Variants in RCAN1 observed in about 807,000 individuals in gnomAD.
RCAN1 encodes the protein calcipressin-1.
RCAN1 carries 11 observed loss-of-function variants against 22.9 expected under a neutral mutation model. The observed-to-expected ratio is 0.48, with a 90% CI of 0.30 to 0.79. RCAN1 has a LOEUF of 0.79. Ranked by LOEUF, RCAN1 falls within the 30% of genes least tolerant of loss-of-function variation. The pLI, the probability that RCAN1 is intolerant of heterozygous loss-of-function variation, is 0.06. For missense variants in RCAN1, 291 were observed against 337.8 expected, an observed-to-expected ratio of 0.86 and a Z score of 1.09; for synonymous variants, 136 against 142.3, an observed-to-expected ratio of 0.96 and a Z score of 0.32.
rs528999302 is a variant in RCAN1 at position 34,550,943 on chromosome 21, C to A, written c.253-27233G>T. ...ATCATATAGCCGATAGAATCTGTAT[C>A]CTGCTATCAACTAATACCAAGCTGT... On this transcript the variant is annotated intron_variant, in intron 1 of 3. Coordinates refer to ENST00000313806, the MANE Select transcript of RCAN1 (RefSeq NM_004414.7). Among the ~76,000 whole-genome samples the A allele has an allele frequency of 1.4e-3, 211 of 152,298 alleles. 1 individual carries two copies. Among genetic ancestry groups the A allele is most frequent in the African/African-American group, 5.0e-3 (208 of 41,570 alleles).
chr21:34,583,811 C>T (rs1255250708), intron 1 of RCAN1, among the ~76,000 whole-genome samples: 4 of 152,168 alleles, frequency 2.6e-5, no homozygotes, highest in Non-Finnish European at 4.4e-5. Context: ...AAGTTAACCA[C>T]AAGTTAGAGA....
chr21:34,542,226 C>T (rs1239337062), intron 1 of RCAN1, among the ~76,000 whole-genome samples: 1 of 152,206 alleles, frequency 6.6e-6, no homozygotes, highest in Non-Finnish European at 1.5e-5. Flanking sequence ...ACAGCCTTGC[C>T]ATTCCTGTTG....
chr21:34,566,748 G>A (rs1987022880), intron 1 of RCAN1, among the ~76,000 whole-genome samples: 1 of 152,174 alleles, frequency 6.6e-6, no homozygotes, highest in African/African-American at 2.4e-5. Flanking sequence ...CACCAGCTCT[G>A]CTCGGCTTCT....
chr21:34,556,084 A>G (rs1490169512), intron 1 of RCAN1, among the ~76,000 whole-genome samples: 1 of 102,430 alleles, frequency 9.8e-6, no homozygotes, highest in Non-Finnish European at 1.9e-5. Context: ...AAATAAATAA[A>G]TAAATAAATA....
At chr21:34,572,321 C>G (rs1987262360) in intron 1 of RCAN1, among the ~76,000 whole-genome samples, 1 of 152,136 alleles carries the variant, frequency 6.6e-6, no homozygotes. Flanking sequence ...CAGAAGATCA[C>G]AGAATACTGG....
At chr21:34,574,132 T>C (rs1359964848) in intron 1 of RCAN1, among the ~76,000 whole-genome samples, 1 of 152,156 alleles carries the variant, frequency 6.6e-6, no homozygotes, top group Non-Finnish European at 1.5e-5. Flanking sequence ...CCACAAAGCA[T>C]TTCAGAATAT....
Position 34,614,970 on chromosome 21 carries a change from C to T in RCAN1, c.42G>A (p.Ala14=). 8.8e-7 allele frequency: 1 copy of T among 1,140,734 alleles called. No homozygotes were observed. The highest frequency in any genetic ancestry group is 1.1e-6 in the Non-Finnish European group (1 of 935,500). 70.7% of individuals were successfully genotyped at this position (1,140,734 alleles called of 1,614,324 possible). Residue 14 remains alanine, a synonymous_variant, in exon 1 of 4, where the codon GCG becomes GCA. Transcript: ENST00000313806. The surrounding 1 kb of genome is among the most constrained non-coding windows in gnomAD (Gnocchi z 6.0). The part of the protein sequence containing the change: ...GVAGPQLGAA[A]EAAEAAEARA... The stretch of plus-strand genomic sequence containing the variant: ...GCGCCTCGGCCGCCTCCGCCGCCTC[C>T]GCCGCGGCCCCGAGCTGGGGACCGG...
At chr21:34,600,465 C>A (rs1452873262) in intron 1 of RCAN1, among the ~76,000 whole-genome samples, 2 of 151,702 alleles carry the variant, frequency 1.3e-5, no homozygotes, top group African/African-American at 4.8e-5. Context: ...AAAAGGCATT[C>A]TAGGAACCAG....
chr21:34,573,146 C>G (rs1452956343), intron 1 of RCAN1, among the ~76,000 whole-genome samples: 1 of 152,140 alleles, frequency 6.6e-6, no homozygotes, highest in Non-Finnish European at 1.5e-5. Context: ...CAACAGTGAT[C>G]AAAGGATGCT....
intron 1 of RCAN1, among the ~76,000 whole-genome samples, chr21:34,558,303 GA>G (rs1347271402): frequency 6.6e-6 from 1 of 152,186 alleles, no homozygotes; most frequent in African/African-American, 2.4e-5. Context: ...AGAACTCCAT[GA>G]GACAGTCAGA....
At chr21:34,556,429 A>AAATAATAATAATAATAATAAT (rs56236946) in intron 1 of RCAN1, among the ~76,000 whole-genome samples, 3 of 145,546 alleles carry the variant, frequency 2.1e-5, no homozygotes, top group African/African-American at 5.0e-5. Flanking sequence ...TTGTCTCAAA[A>AAATAATAATAATAATAATAAT]AATAATAATA....
intron 2 of RCAN1, 83 bp downstream of exon 2, chr21:34,523,454 A>G: frequency 7.2e-7 from 1 of 1,382,782 alleles, no homozygotes; most frequent in South Asian, 1.3e-5. Context: ...CGGTCAGCAT[A>G]TAACATAAGC....
At chr21:34,601,679 G>C (rs995751168) in intron 1 of RCAN1, among the ~76,000 whole-genome samples, 1 of 151,958 alleles carries the variant, frequency 6.6e-6, no homozygotes, top group Non-Finnish European at 1.5e-5. Flanking sequence ...TTAGCCAGGC[G>C]TGGTGGTGGG....
chr21:34,593,922 C>A (rs541453183), intron 1 of RCAN1, among the ~76,000 whole-genome samples: 1 of 152,126 alleles, frequency 6.6e-6, no homozygotes, highest in Admixed American at 6.5e-5. Context: ...AGAAAAAAAT[C>A]GTTAGTTTCC....
chr21:34,614,514 G>C lies in RCAN1; in HGVS notation c.252+246C>G. The C allele has an allele frequency of 9.6e-7, 1 of 1,045,854 alleles. No individual in the cohort carries two copies. Among genetic ancestry groups the C allele is most frequent in the Non-Finnish European group, 1.2e-6 (1 of 868,436 alleles). 64.8% of individuals were successfully genotyped at this position (1,045,854 alleles called of 1,614,324 possible). ...GTCGCACCAGCCTGGGCGCACACGG[G>C]GGCCGGGGCGAGCCTGTGGGACTCT... On this transcript the variant is annotated intron_variant, in intron 1 of 3. Coordinates refer to ENST00000313806, the MANE Select transcript of RCAN1 (RefSeq NM_004414.7). The surrounding 1 kb of genome is among the most constrained non-coding windows in gnomAD (Gnocchi z 6.0).
At chr21:34,546,377 T>A (rs1414911308) in intron 1 of RCAN1, among the ~76,000 whole-genome samples, 1 of 152,078 alleles carries the variant, frequency 6.6e-6, no homozygotes, top group Non-Finnish European at 1.5e-5. Context: ...TTATTAGTTT[T>A]TTTTTTTTTT....
chr21:34,609,482 C>T (rs936214949), intron 1 of RCAN1, among the ~76,000 whole-genome samples: 1 of 152,172 alleles, frequency 6.6e-6, no homozygotes. Context: ...CCTGCGCAAA[C>T]AGGCCCTGCG....
intron 1 of RCAN1, among the ~76,000 whole-genome samples, chr21:34,600,802 A>G (rs182301605): frequency 4.6e-4 from 70 of 152,378 alleles, no homozygotes; most frequent in African/African-American, 1.7e-3. Flanking sequence ...TCAACATACT[A>G]TAGTGAAATT....
At chr21:34,577,059 C>A (rs1987431632) in intron 1 of RCAN1, among the ~76,000 whole-genome samples, 1 of 152,196 alleles carries the variant, frequency 6.6e-6, no homozygotes, top group Non-Finnish European at 1.5e-5. Context: ...TCTGGGGCAT[C>A]CCAGGCGGAG....
Sources: gnomAD v4.1 joint callset for allele counts (sites outside exome capture counted in the v4.1 genomes callset) on GRCh38, gnomAD v4.1.1 for gene constraint, Gnocchi (gnomAD v3.1) non-coding constraint, MANE v1.5 for transcripts, NCBI Gene and HGNC (gene_info 2026-07-23, HGNC 2026-07-21) for gene names.